The following RCBTB1 variants were observed in gnomAD, a reference collection of about 807,000 sequenced individuals.
RCBTB1 encodes the protein RCC1 and BTB domain containing protein 1.
In RCBTB1, 46 loss-of-function variants were observed where a neutral mutation model predicts 62.4. The observed-to-expected ratio is 0.74, with a 90% confidence interval of 0.58 to 0.94. The LOEUF (loss-of-function observed/expected upper bound fraction) is 0.94. Ranked by LOEUF, RCBTB1 falls within the 40% of genes least tolerant of loss-of-function variation. RCBTB1 has a pLI of 0.00. For synonymous variants in RCBTB1, 222 were observed against 245.8 expected, an observed-to-expected ratio of 0.90 and a Z score of 0.91; for missense variants, 565 against 654.9, an observed-to-expected ratio of 0.86 and a Z score of 1.50.
chr13:49,566,575 C>A, intron 4 of RCBTB1, 43 bp downstream of exon 4: 2 of 1,587,246 alleles, frequency 1.3e-6, no homozygotes, highest in South Asian at 2.3e-5. Context: ...ATTAACCGGT[C>A]AATTTCTTAC....
At position 49,547,226 on chromosome 13, in the gene RCBTB1, T is replaced by C; in HGVS notation, c.1045+2232A>G. Reference sequence around the variant, plus strand: ...CCTAAAGAACATGGCAAAAATAAAGTGAAAGGGAGTATTCAATTGGTTTCA... The same window carrying C: ...CCTAAAGAACATGGCAAAAATAAAGCGAAAGGGAGTATTCAATTGGTTTCA... On this transcript the variant is annotated intron_variant, in intron 9 of 12. Coordinates refer to ENST00000378302, the MANE Select transcript of RCBTB1 (RefSeq NM_018191.4). The C allele has an allele frequency of 4.1e-6, 5 of 1,205,314 alleles. No homozygotes were observed. In the South Asian group the frequency reaches 6.4e-5, roughly 16 times the overall value. The allele number at this position is 1,205,314 out of a possible 1,614,324, so 74.7% of individuals were successfully genotyped here. A position where few individuals can be genotyped will look rare whatever the true frequency, so the allele number is the denominator to read the frequency against.
intron 10 of RCBTB1, among the ~76,000 whole-genome samples, chr13:49,543,240 G>A (rs1421625878): frequency 1.3e-5 from 2 of 151,834 alleles, no homozygotes; most frequent in East Asian, 3.9e-4. Flanking sequence ...CTCTAGCCTG[G>A]GTGACAGAAT....
chr13:49,536,688 TG>T (rs1422175709), intron 12 of RCBTB1, among the ~76,000 whole-genome samples: 1 of 152,136 alleles, frequency 6.6e-6, no homozygotes, highest in Non-Finnish European at 1.5e-5. Context: ...TTATAGCCCA[TG>T]GAATAGGGAA....
At chr13:49,577,678 G>A (rs1963866046) in intron 2 of RCBTB1, among the ~76,000 whole-genome samples, 1 of 152,170 alleles carries the variant, frequency 6.6e-6, no homozygotes. Flanking sequence ...CGCTTCTGGT[G>A]TCATTTTAGA....
intron 1 of RCBTB1, among the ~76,000 whole-genome samples, chr13:49,582,094 G>A (rs1402680372): frequency 6.6e-6 from 1 of 152,254 alleles, no homozygotes; most frequent in Non-Finnish European, 1.5e-5. Flanking sequence ...GAACATGTTT[G>A]AATTAATGGG....
At chr13:49,580,134 T>C (rs1964012198) in intron 2 of RCBTB1, among the ~76,000 whole-genome samples, 1 of 152,200 alleles carries the variant, frequency 6.6e-6, no homozygotes, top group African/African-American at 2.4e-5. Context: ...ATAAAAGTAT[T>C]GCTTTTATAG....
chr13:49,549,095 G>A (rs1468149675), intron 9 of RCBTB1, among the ~76,000 whole-genome samples: 1 of 136,680 alleles, frequency 7.3e-6, no homozygotes, highest in African/African-American at 3.1e-5. Flanking sequence ...TTGCACCACT[G>A]CACTCCAGCC....
chr13:49,537,374 G>A (rs7982555), intron 12 of RCBTB1, among the ~76,000 whole-genome samples: 88,880 of 151,952 alleles, frequency 0.58, 27,225 homozygotes, highest in Non-Finnish European at 0.69. Context: ...ATCCCATTAC[G>A]CAAAAAACAT....
chr13:49,538,548 A>G (rs1210017905), intron 12 of RCBTB1, among the ~76,000 whole-genome samples: 1 of 152,008 alleles, frequency 6.6e-6, no homozygotes, highest in East Asian at 1.9e-4. Context: ...CTGTCTCTAC[A>G]ACAAATAAAA....
rs1963093380 is a variant in RCBTB1, at chr13:49,567,320, T to C, written c.-41A>G. 2 of 1,604,212 alleles carry C rather than the reference T, an allele frequency of 1.2e-6. No individual in the cohort carries two copies. The highest frequency in any genetic ancestry group is 4.5e-5 in the East Asian group (2 of 44,672). Reference sequence around the variant, plus strand: ...CAATTCCTATAAATAAGCCGACATCTCTGCTGGAACAGAAAGGATTCCAGA... The same window carrying C: ...CAATTCCTATAAATAAGCCGACATCCCTGCTGGAACAGAAAGGATTCCAGA... On this transcript the variant is annotated splice_region_variant and 5_prime_UTR_variant, in exon 3 of 13. Transcript: ENST00000378302.
chr13:49,554,498 G>A (rs767150882), intron 6 of RCBTB1, among the ~76,000 whole-genome samples: 12 of 152,116 alleles, frequency 7.9e-5, no homozygotes, highest in Non-Finnish European at 1.3e-4. Context: ...AAGCACCCTA[G>A]CACAGGGGTC....
intron 1 of RCBTB1, among the ~76,000 whole-genome samples, chr13:49,581,839 A>G (rs926775386): frequency 1.3e-5 from 2 of 152,250 alleles, no homozygotes; most frequent in Non-Finnish European, 2.9e-5. Flanking sequence ...ATTGGATTTA[A>G]CAAGGAGAAT....
intron 4 of RCBTB1, among the ~76,000 whole-genome samples, chr13:49,560,929 C>T (rs1962383380): frequency 6.6e-6 from 1 of 152,208 alleles, no homozygotes; most frequent in South Asian, 2.1e-4. Context: ...CCCATGCCCT[C>T]CCTGGCATGC....
At chr13:49,541,646 G>A (rs557590541) in intron 11 of RCBTB1, 30 bp downstream of exon 11, 73 of 1,580,512 alleles carry the variant, frequency 4.6e-5, no homozygotes, top group South Asian at 1.6e-4. Context: ...TCCACCATGC[G>A]GCTCGTCCAT....
chr13:49,566,254 C>T (rs1225788128), intron 4 of RCBTB1, among the ~76,000 whole-genome samples: 1 of 131,460 alleles, frequency 7.6e-6, no homozygotes, highest in African/African-American at 3.4e-5. Flanking sequence ...CAAGAATGAT[C>T]AATAAAAAAA....
At chr13:49,560,995 T>C (rs1285319025) in intron 4 of RCBTB1, among the ~76,000 whole-genome samples, 1 of 152,092 alleles carries the variant, frequency 6.6e-6, no homozygotes, top group Non-Finnish European at 1.5e-5. Flanking sequence ...TCTGTCTGAA[T>C]TTTTTTTATA....
rs1277521798 is a variant in RCBTB1, at chr13:49,532,552, C to A, written c.*1570G>T. ...ATGTTGTAGAACGAATTCTAACCGA[C>A]TAATTCACTGGGCTTCAATCACTTG... is the stretch of plus-strand genomic sequence containing the variant. On this transcript the variant is annotated 3_prime_UTR_variant, in exon 13 of 13. Coordinates refer to ENST00000378302, the MANE Select transcript of RCBTB1 (RefSeq NM_018191.4). The A allele has an allele frequency of 1.3e-5, 2 of 152,534 alleles. No individual in the cohort carries two copies. The highest frequency in any genetic ancestry group is 1.3e-4 in the Admixed American group (2 of 15,272). 9.4% of individuals were successfully genotyped at this position (152,534 alleles called of 1,614,324 possible).
In RCBTB1 at chr13:49,560,223, G is replaced by A. The variant is rs1372097575; in HGVS notation, c.278-139C>T. 9 of 825,236 alleles carry A rather than the reference G, an allele frequency of 1.1e-5. No homozygotes were observed. In the South Asian group the frequency reaches 1.3e-4, roughly 12 times the overall value. The allele number at this position is 825,236 out of a possible 1,614,324, so 51.1% of individuals were successfully genotyped here. A position where few individuals can be genotyped will look rare whatever the true frequency, so the allele number is the denominator to read the frequency against. ...CCCCTCCTCTCTATTAAGTAACCAT[G>A]GACAGAGTAAAGGAGAGAGAGATGG... On this transcript the variant is annotated intron_variant, in intron 4 of 12. Transcript: ENST00000378302.
chr13:49,565,766 C>A (rs1390297711), intron 4 of RCBTB1, among the ~76,000 whole-genome samples: 1 of 152,066 alleles, frequency 6.6e-6, no homozygotes, highest in Non-Finnish European at 1.5e-5. Context: ...GGGAGGTGTA[C>A]CCAACAGCTC....
Sources: allele counts gnomAD v4.1 joint callset (sites outside exome capture counted in the v4.1 genomes callset), GRCh38; gene constraint gnomAD v4.1.1; transcripts MANE v1.5; gene names NCBI Gene and HGNC (gene_info 2026-07-23, HGNC 2026-07-21).